Variants in RACGAP1 observed in about 807,000 individuals in gnomAD.
RACGAP1 encodes the protein rac GTPase-activating protein 1.
In RACGAP1, 30 loss-of-function variants were observed where a neutral mutation model predicts 78.1. The observed-to-expected ratio is 0.38, with a 90% CI of 0.29 to 0.52. The LOEUF (loss-of-function observed/expected upper bound fraction) is 0.52, where lower values mean the gene tolerates loss of function less well. RACGAP1 is among the 20% of genes least tolerant of loss of function. RACGAP1 has a pLI of 0.82. For synonymous variants in RACGAP1, 231 were observed against 264.8 expected, an observed-to-expected ratio of 0.87 and a Z score of 1.24; for missense variants, 587 against 777.1, an observed-to-expected ratio of 0.76 and a Z score of 2.91.
intron 1 of RACGAP1, chr12:50,018,564 T>G (rs1482535291): frequency 7.8e-7 from 1 of 1,288,876 alleles, no homozygotes; most frequent in Admixed American, 2.3e-5. Flanking sequence ...GGTAGTCAAT[T>G]CAAATGTTGA....
chr12:50,018,371 A>G (rs987339362), intron 1 of RACGAP1: 7 of 441,208 alleles, frequency 1.6e-5, no homozygotes, highest in African/African-American at 1.2e-4. Flanking sequence ...GCAAGCTGCT[A>G]AGCAACCAGA....
In RACGAP1 at chr12:49,995,118, G is replaced by A. The variant is rs577537492; in HGVS notation, c.1045-609C>T. Among the ~76,000 whole-genome samples the A allele has an allele frequency of 3.1e-3, 476 of 152,308 alleles. 4 individuals are homozygous for A. The highest frequency in any genetic ancestry group is 0.011 in the African/African-American group (445 of 41,560). The stretch of plus-strand genomic sequence containing the variant: ...AATCCCAGCACTGTAGGAGGCCGAG[G>A]TGGGCGGATCACCTGAGGTCAGGAG... On this transcript the variant is annotated intron_variant, in intron 10 of 16. Transcript: ENST00000312377.
At chr12:50,016,601 C>T (rs780791658) in intron 2 of RACGAP1, 30 bp downstream of exon 2, 3 of 1,593,490 alleles carry the variant, frequency 1.9e-6, no homozygotes, top group Non-Finnish European at 2.6e-6. Flanking sequence ...TCTGTTTTTC[C>T]TTTGGACAGG....
At chr12:49,992,445 A>C in intron 13 of RACGAP1, 68 bp from the exon 14 acceptor site, 1 of 1,588,202 alleles carries the variant, frequency 6.3e-7, no homozygotes. Context: ...TATAAATTCT[A>C]TAAGAAAACA....
At chr12:50,014,642 AACCTCTGCCTCCCCAGTGATCCTCCC>A (rs1949546069) in intron 2 of RACGAP1, among the ~76,000 whole-genome samples, 1 of 152,116 alleles carries the variant, frequency 6.6e-6, no homozygotes, top group Non-Finnish European at 1.5e-5. Context: ...AGCTTACTGC[AACCTCTGCCTCCCCAGTGATCCTCCC>A]ACCTCAGCCT....
chr12:50,016,994 G>A, intron 1 of RACGAP1: 1 of 1,184,614 alleles, frequency 8.4e-7, no homozygotes, highest in Non-Finnish European at 1.0e-6. Flanking sequence ...ATAGGAAAGA[G>A]CATGTCAGTT....
At chr12:50,011,261 G>A (rs769845742) in intron 2 of RACGAP1, among the ~76,000 whole-genome samples, 1 of 150,874 alleles carries the variant, frequency 6.6e-6, no homozygotes, top group Non-Finnish European at 1.5e-5. Flanking sequence ...TTGAACCCAC[G>A]AGACGGAGGG....
At chr12:50,027,840 A>C (rs574414891), upstream of RACGAP1, among the ~76,000 whole-genome samples, 11 of 152,264 alleles carry the variant, frequency 7.2e-5, no homozygotes, top group South Asian at 1.9e-3. Context: ...CAATCAATCA[A>C]TCAATCAATC....
At chr12:50,016,508 T>C in intron 2 of RACGAP1, 123 bp downstream of exon 2, 5 of 1,028,836 alleles carry the variant, frequency 4.9e-6, no homozygotes, top group South Asian at 3.9e-5. Context: ...AAGTGATCAC[T>C]GCTTTCTTTT....
chr12:49,990,596 G>T, intron 16 of RACGAP1, 88 bp downstream of exon 16: 1 of 1,085,950 alleles, frequency 9.2e-7, no homozygotes, highest in Non-Finnish European at 1.4e-6. Flanking sequence ...AAAATCGAAT[G>T]CAATTTTTCT....
rs1947685135 is a variant in RACGAP1, at chr12:49,989,200, T to TATC, written c.*1065_*1067dup. On this transcript the variant is annotated 3_prime_UTR_variant, in exon 17 of 17. Coordinates refer to ENST00000312377, the MANE Select transcript of RACGAP1 (RefSeq NM_001319999.2). ...AGCTATTTACTTTTTTTCCAAATAT[T>TATC]ATCCCAAATAGGTGTTTTACAGATA... 6.6e-6 allele frequency: 1 copy of TATC among 152,256 alleles called. No homozygotes were observed. Among genetic ancestry groups the TATC allele is most frequent in the Non-Finnish European group, 1.5e-5 (1 of 68,038 alleles). 9.4% of individuals were successfully genotyped at this position (152,256 alleles called of 1,614,324 possible). A position where few individuals can be genotyped will look rare whatever the true frequency, so the allele number is the denominator to read the frequency against.
intron 4 of RACGAP1, among the ~76,000 whole-genome samples, chr12:50,004,539 T>A (rs1948862148): frequency 6.6e-6 from 1 of 152,198 alleles, no homozygotes; most frequent in South Asian, 2.1e-4. Flanking sequence ...AGCAAAGACC[T>A]TATAAGGGCA....
At chr12:50,024,186 C>CA in intron 1 of RACGAP1, among the ~76,000 whole-genome samples, 1 of 151,748 alleles carries the variant, frequency 6.6e-6, no homozygotes, top group East Asian at 1.9e-4. Context: ...ATCAGTATAT[C>CA]AAAAAGACCC....
chr12:50,020,516 A>G lies in RACGAP1; in HGVS notation c.-4-3797T>C, dbSNP rs115116024. Reference sequence around the variant, plus strand: ...CTTAATTATCTCCATTTTACAGACAATGGGCAACTAAGTCCAGAAACCTTA... The same window carrying G: ...CTTAATTATCTCCATTTTACAGACAGTGGGCAACTAAGTCCAGAAACCTTA... On this transcript the variant is annotated intron_variant, in intron 1 of 16. Coordinates refer to ENST00000312377, the MANE Select transcript of RACGAP1 (RefSeq NM_001319999.2). Among the ~76,000 whole-genome samples, 591 of 152,246 alleles carry G rather than the reference A, an allele frequency of 3.9e-3. 2 individuals carry two copies. The highest frequency in any genetic ancestry group is 0.013 in the African/African-American group (552 of 41,542).
At chr12:50,024,021 CGTG>C (rs1950147261) in intron 1 of RACGAP1, among the ~76,000 whole-genome samples, 1 of 151,864 alleles carries the variant, frequency 6.6e-6, no homozygotes, top group South Asian at 2.1e-4. Context: ...ATTAGCCGGG[CGTG>C]GTGACGGGCC....
At chr12:49,990,641 A>G (rs1217124324) in intron 16 of RACGAP1, 43 bp downstream of exon 16, 2 of 1,442,642 alleles carry the variant, frequency 1.4e-6, no homozygotes, top group African/African-American at 2.9e-5. Flanking sequence ...AAGTCTAAGA[A>G]AGTAGTTGTT....
upstream of RACGAP1, among the ~76,000 whole-genome samples, chr12:50,029,837 G>C (rs181729091): frequency 0.11 from 16,217 of 152,138 alleles, 1,095 homozygotes; most frequent in South Asian, 0.29. Flanking sequence ...AGGTTGCAGT[G>C]AGCTGAGATT....
intron 4 of RACGAP1, 50 bp downstream of exon 4, chr12:50,005,206 G>A (rs1208924836): frequency 1.2e-6 from 2 of 1,603,242 alleles, no homozygotes; most frequent in Admixed American, 1.7e-5. Context: ...AAGAATATCT[G>A]ACAGCCTGTG....
At chr12:49,998,248 C>T (rs962193359) in intron 9 of RACGAP1, among the ~76,000 whole-genome samples, 2 of 151,618 alleles carry the variant, frequency 1.3e-5, no homozygotes, top group Non-Finnish European at 1.5e-5. Context: ...ACTAAAAGTA[C>T]AAAAAATTGG....
Sources: allele counts gnomAD v4.1 joint callset (sites outside exome capture counted in the v4.1 genomes callset), GRCh38; gene constraint gnomAD v4.1.1; transcripts MANE v1.5; gene names NCBI Gene and HGNC (gene_info 2026-07-23, HGNC 2026-07-21).